The following IL1RAPL1 variants were observed in gnomAD, a reference collection of about 807,000 sequenced individuals.
IL1RAPL1 encodes interleukin-1 receptor accessory protein-like 1.
A neutral mutation model predicts 48.4 loss-of-function variants in IL1RAPL1; 3 were observed. The ratio of observed to expected loss-of-function variants is 0.06; its 90% CI spans 0.03 to 0.16. The LOEUF (loss-of-function observed/expected upper bound fraction) is 0.16. Among genes scored for constraint, IL1RAPL1 ranks in the 10% least tolerant of loss-of-function variants. IL1RAPL1 has a pLI of 1.00. For synonymous variants in IL1RAPL1, 185 were observed against 187.7 expected (o/e 0.99, Z 0.12); for missense variants, 349 against 530.6 (o/e 0.66, Z 3.36).
rs3069570 is a variant in IL1RAPL1, at chrX:29,479,414, CA to C, written c.703+80123del. 3.8e-3 allele frequency among the ~76,000 whole-genome samples: 163 copies of C among 42,427 alleles called. 7 individuals carry two copies. The highest frequency in any genetic ancestry group is 0.036 in the South Asian group (17 of 476). The allele number at this position is 42,427 out of a possible 115,157, so 36.8% of individuals were successfully genotyped here. On this transcript the variant is annotated intron_variant, in intron 5 of 10. Transcript: ENST00000378993. ...TGGGTGACAGAGCGAGACCCTGTCT[CA>C]AAAAAAAAAAAAAAAATTAGCATTG...
chrX:29,597,592 T>C (rs1328408161), intron 5 of IL1RAPL1, among the ~76,000 whole-genome samples: 4 of 112,366 alleles, frequency 3.6e-5, no homozygotes, highest in Non-Finnish European at 7.5e-5. Flanking sequence ...TCTTTCTCTG[T>C]CCTGTGGAAT....
intron 5 of IL1RAPL1, among the ~76,000 whole-genome samples, chrX:29,412,908 C>G (rs755622730): frequency 5.3e-5 from 6 of 112,396 alleles, no homozygotes; most frequent in Non-Finnish European, 7.5e-5. Context: ...AAGGAATATA[C>G]AAATGGAAGT....
chrX:29,265,062 G>A (rs971682425), intron 2 of IL1RAPL1, among the ~76,000 whole-genome samples: 3 of 110,716 alleles, frequency 2.7e-5, no homozygotes, highest in East Asian at 2.8e-4. Flanking sequence ...GCAGGCATAC[G>A]CCACGACACC....
chrX:29,246,853 T>G (rs1931522862), intron 2 of IL1RAPL1, among the ~76,000 whole-genome samples: 1 of 110,460 alleles, frequency 9.1e-6, no homozygotes. Context: ...CAGGAGTGGG[T>G]GGGGTGGGGG....
chrX:28,868,130 G>T (rs908180933), intron 2 of IL1RAPL1, among the ~76,000 whole-genome samples: 2 of 111,252 alleles, frequency 1.8e-5, no homozygotes, highest in Non-Finnish European at 3.8e-5. Context: ...AGTAAACAAT[G>T]ACATACTCCT....
chrX:28,906,266 G>T (rs1271314144), intron 2 of IL1RAPL1, among the ~76,000 whole-genome samples: 1 of 112,898 alleles, frequency 8.9e-6, no homozygotes, highest in Non-Finnish European at 1.9e-5. Context: ...TACAGTTCAA[G>T]ATGAGATTTG....
chrX:28,704,796 TCACACACACA>T (rs201309320), intron 1 of IL1RAPL1, among the ~76,000 whole-genome samples: 31 of 50,579 alleles, frequency 6.1e-4, no homozygotes, highest in Non-Finnish European at 9.4e-4. Context: ...AGGTTTGAGT[TCACACACACA>T]CACACACACA....
At chrX:29,896,858 A>G (rs1932394917) in intron 6 of IL1RAPL1, among the ~76,000 whole-genome samples, 2 of 112,763 alleles carry the variant, frequency 1.8e-5, no homozygotes, top group Admixed American at 1.9e-4. Flanking sequence ...GCACACACAT[A>G]TGCATGCACA....
Position 28,928,488 on chromosome X carries a change from T to A in IL1RAPL1, c.82+139063T>A, listed in dbSNP as rs1923804947. On this transcript the variant is annotated intron_variant, in intron 2 of 10. Transcript: ENST00000378993. ...AACCTGGTCTACAAAATCCTTCATG[T>A]CCTAACCTCTGCCTAGCTTTTTACC... 5.4e-5 allele frequency among the ~76,000 whole-genome samples: 6 copies of A among 111,944 alleles called. No homozygotes were observed. In the Admixed American group the frequency reaches 5.7e-4, roughly 11 times the overall value.
chrX:28,633,403 C>T (rs1249969890), intron 1 of IL1RAPL1, among the ~76,000 whole-genome samples: 1 of 111,120 alleles, frequency 9.0e-6, no homozygotes, highest in Non-Finnish European at 1.9e-5. Context: ...GAAAGGCTCC[C>T]CAACTCCTTT....
At chrX:28,861,209 G>A (rs975771428) in intron 2 of IL1RAPL1, among the ~76,000 whole-genome samples, 1 of 111,664 alleles carries the variant, frequency 9.0e-6, no homozygotes, top group African/African-American at 3.3e-5. Flanking sequence ...CGCTCAATAT[G>A]TCTTTCTTCA....
At chrX:28,734,382 C>T (rs1005303918) in intron 1 of IL1RAPL1, among the ~76,000 whole-genome samples, 14 of 111,159 alleles carry the variant, frequency 1.3e-4, no homozygotes, top group Admixed American at 4.8e-4. Context: ...CCTATTTTCC[C>T]TGTAATTTGT....
At chrX:28,789,297 C>A in intron 1 of IL1RAPL1, 23 bp from the exon 2 acceptor site, 1 of 959,104 alleles carries the variant, frequency 1.0e-6, no homozygotes, top group South Asian at 2.0e-5. Context: ...GTATGTTTTT[C>A]TTCTTTTTAA....
intron 6 of IL1RAPL1, among the ~76,000 whole-genome samples, chrX:29,773,787 A>G (rs748294880): frequency 8.9e-6 from 1 of 111,906 alleles, no homozygotes; most frequent in Non-Finnish European, 1.9e-5. Flanking sequence ...ATGTGCATAC[A>G]CAGACATATA....
intron 2 of IL1RAPL1, among the ~76,000 whole-genome samples, chrX:29,270,202 T>G (rs1441995274): frequency 1.8e-5 from 2 of 111,748 alleles, no homozygotes; most frequent in Non-Finnish European, 3.8e-5. Context: ...TGAATAAGGC[T>G]TCTATGAACA....
chrX:29,397,932 G>A (rs1207942730), intron 4 of IL1RAPL1, among the ~76,000 whole-genome samples: 1 of 111,955 alleles, frequency 8.9e-6, no homozygotes, highest in African/African-American at 3.2e-5. Context: ...AAAGTGGCTG[G>A]TCCTTTAGTC....
chrX:28,858,604 G>A (rs1411893750), intron 2 of IL1RAPL1, among the ~76,000 whole-genome samples: 1 of 112,304 alleles, frequency 8.9e-6, no homozygotes. Flanking sequence ...TTAAAATTAA[G>A]TTATGTACAT....
At chrX:28,848,886 G>T (rs1048757253) in intron 2 of IL1RAPL1, among the ~76,000 whole-genome samples, 1 of 111,720 alleles carries the variant, frequency 9.0e-6, no homozygotes, top group African/African-American at 3.3e-5. Flanking sequence ...TGGACTTTCA[G>T]ATGCAAACGG....
At chrX:29,320,006 G>A (rs1445886493) in intron 3 of IL1RAPL1, among the ~76,000 whole-genome samples, 1 of 112,058 alleles carries the variant, frequency 8.9e-6, no homozygotes, top group East Asian at 2.8e-4. Flanking sequence ...CTCCCAACGG[G>A]AGACAACAGG....
Sources: allele counts gnomAD v4.1 joint callset (sites outside exome capture counted in the v4.1 genomes callset), GRCh38; gene constraint gnomAD v4.1.1; transcripts MANE v1.5; gene names NCBI Gene and HGNC (gene_info 2026-07-23, HGNC 2026-07-21).